AATF: variants seen among roughly 807,000 people sequenced by gnomAD.
AATF encodes apoptosis antagonizing transcription factor, also known as protein AATF.
AATF carries 48 observed loss-of-function variants against 63.7 expected under a neutral mutation model. The observed-to-expected ratio is 0.75, with a 90% CI of 0.60 to 0.96. The LOEUF (loss-of-function observed/expected upper bound fraction) is 0.96, where lower values mean the gene tolerates loss of function less well. AATF is among the 40% of genes least tolerant of loss of function. The pLI, the probability that AATF is intolerant of heterozygous loss-of-function variation, is 0.00. For missense variants in AATF, 639 were observed against 685.7 expected (o/e 0.93, Z 0.76); for synonymous variants, 258 against 247.7 (o/e 1.04, Z -0.39).
Position 37,035,208 on chromosome 17 carries a change from AAT to A in AATF, c.1619+3524_1619+3525del, listed in dbSNP as rs1406379175. Among the ~76,000 whole-genome samples the A allele has an allele frequency of 7.2e-5, 11 of 151,916 alleles. No homozygotes were observed. The South Asian group carries it at 2.3e-3, about 32-fold the overall frequency. On this transcript the variant is annotated intron_variant, in intron 11 of 11. Coordinates refer to ENST00000619387, the MANE Select transcript of AATF (RefSeq NM_012138.4). ...TAATCAAAGAAATGCAAATTAATAT[AAT>A]GAGATTTCTTTTTATTATTTTTTTT...
At chr17:36,997,589 G>T (rs952809823) in intron 8 of AATF, among the ~76,000 whole-genome samples, 3 of 152,190 alleles carry the variant, frequency 2.0e-5, no homozygotes, top group African/African-American at 7.2e-5. Context: ...TGCTGGTGTG[G>T]ATGTAGTGAA....
At chr17:36,982,228 G>GTTTTTTT (rs2071131235) in intron 4 of AATF, among the ~76,000 whole-genome samples, 5 of 113,562 alleles carry the variant, frequency 4.4e-5, no homozygotes, top group East Asian at 2.6e-4. Flanking sequence ...TTTGTTTTTT[G>GTTTTTTT]TTTTGTTTTT....
intron 4 of AATF, among the ~76,000 whole-genome samples, chr17:36,963,272 T>C (rs1484467956): frequency 1.3e-5 from 2 of 152,222 alleles, no homozygotes; most frequent in Non-Finnish European, 2.9e-5. Flanking sequence ...TGGGTACCTC[T>C]TTAGTGAGCA....
intron 4 of AATF, among the ~76,000 whole-genome samples, chr17:36,963,513 A>G (rs1408010585): frequency 6.6e-6 from 1 of 152,198 alleles, no homozygotes; most frequent in East Asian, 1.9e-4. Flanking sequence ...TTTTTGCTTT[A>G]TGCTTAGACT....
At chr17:36,997,541 C>T (rs2071263631) in intron 8 of AATF, among the ~76,000 whole-genome samples, 1 of 152,164 alleles carries the variant, frequency 6.6e-6, no homozygotes, top group South Asian at 2.1e-4. Context: ...CTTACTCCTG[C>T]AAGAATGGCC....
intron 8 of AATF, among the ~76,000 whole-genome samples, chr17:37,018,600 A>G (rs2071445724): frequency 2.6e-5 from 4 of 152,200 alleles, no homozygotes; most frequent in African/African-American, 9.7e-5. Context: ...ACCTTGCACC[A>G]TTATCCTGTT....
intron 11 of AATF, among the ~76,000 whole-genome samples, chr17:37,036,508 G>T (rs1285908020): frequency 6.6e-6 from 1 of 152,032 alleles, no homozygotes; most frequent in Non-Finnish European, 1.5e-5. Context: ...TTCTCCTGTT[G>T]TGTGGTCTGA....
intron 8 of AATF, 24 bp from the exon 9 acceptor site, chr17:37,018,981 T>A (rs933620553): frequency 2.5e-6 from 4 of 1,604,280 alleles, no homozygotes; most frequent in Non-Finnish European, 3.4e-6. Flanking sequence ...ATAAATAAAT[T>A]CGTTGCTTTC....
chr17:37,009,636 T>A (rs2071370736), intron 8 of AATF, among the ~76,000 whole-genome samples: 1 of 146,304 alleles, frequency 6.8e-6, no homozygotes. Flanking sequence ...GCTAACAAGG[T>A]GAAACCCCGT....
intron 4 of AATF, among the ~76,000 whole-genome samples, chr17:36,964,252 G>A (rs1286226989): frequency 6.7e-6 from 1 of 149,136 alleles, no homozygotes; most frequent in African/African-American, 2.5e-5. Context: ...GGGGGAAATT[G>A]ATGATGCAGG....
chr17:37,032,512 C>T lies in AATF; in HGVS notation c.1619+827C>T, dbSNP rs188435026. On this transcript the variant is annotated intron_variant, in intron 11 of 11. Transcript: ENST00000619387. Reference sequence around the variant, plus strand: ...TCAGTCTTTCTTGAAGGAGCCCTGGCTCTGTTTAGTGGATTGTGGTATTTA... The same window carrying T: ...TCAGTCTTTCTTGAAGGAGCCCTGGTTCTGTTTAGTGGATTGTGGTATTTA... 2.6e-5 allele frequency among the ~76,000 whole-genome samples: 4 copies of T among 152,284 alleles called. No homozygotes were observed. The East Asian group carries it at 7.7e-4, about 29-fold the overall frequency.
intron 8 of AATF, among the ~76,000 whole-genome samples, chr17:36,998,363 T>G (rs2071270407): frequency 6.6e-6 from 1 of 152,260 alleles, no homozygotes; most frequent in Non-Finnish European, 1.5e-5. Context: ...ACATGACTGT[T>G]GTAAGATTTA....
intron 4 of AATF, among the ~76,000 whole-genome samples, chr17:36,984,010 T>C (rs1239348470): frequency 6.6e-6 from 1 of 152,206 alleles, no homozygotes; most frequent in Non-Finnish European, 1.5e-5. Flanking sequence ...AACTCATGTA[T>C]TGGTGTCCTA....
intron 4 of AATF, among the ~76,000 whole-genome samples, chr17:36,958,945 G>A (rs1051943153): frequency 2.6e-5 from 4 of 151,880 alleles, no homozygotes; most frequent in African/African-American, 9.7e-5. Flanking sequence ...AGGAGTTCGA[G>A]GCCAACCTGA....
At chr17:37,050,488 G>GA (rs1356189646) in intron 11 of AATF, among the ~76,000 whole-genome samples, 1 of 152,162 alleles carries the variant, frequency 6.6e-6, no homozygotes, top group Non-Finnish European at 1.5e-5. Context: ...AGACAAACGT[G>GA]AAAAAAGGCA....
At position 36,950,196 on chromosome 17, in the gene AATF, T is replaced by C; in HGVS notation, c.92-18T>C. 1 of 1,608,698 alleles carries C rather than the reference T, an allele frequency of 6.2e-7. No homozygotes were observed. Among genetic ancestry groups the C allele is most frequent in the East Asian group, 2.2e-5 (1 of 44,724 alleles). On this transcript the variant is annotated intron_variant, in intron 1 of 11. Coordinates refer to ENST00000619387, the MANE Select transcript of AATF (RefSeq NM_012138.4). ...GCTAACCTGGAGATTCTGTTTACTT[T>C]TCCCTCTCCCCCGACAGCCACTGCT... is the stretch of plus-strand genomic sequence containing the variant.
intron 8 of AATF, among the ~76,000 whole-genome samples, chr17:36,997,119 C>A (rs2071260352): frequency 6.6e-6 from 1 of 152,096 alleles, no homozygotes; most frequent in Admixed American, 6.6e-5. Flanking sequence ...ACACAGGATC[C>A]CAGCAGTATT....
intron 8 of AATF, among the ~76,000 whole-genome samples, chr17:37,009,130 T>G (rs1310352265): frequency 6.6e-6 from 1 of 151,870 alleles, no homozygotes; most frequent in East Asian, 2.0e-4. Flanking sequence ...TTTGGTTTGG[T>G]TTTTGGGTTT....
chr17:36,984,149 G>C (rs912730990), intron 4 of AATF, among the ~76,000 whole-genome samples: 1 of 152,228 alleles, frequency 6.6e-6, no homozygotes, highest in Non-Finnish European at 1.5e-5. Flanking sequence ...GCTACAGTTT[G>C]TGTGAAATGT....
Sources: allele counts gnomAD v4.1 joint callset (sites outside exome capture counted in the v4.1 genomes callset), GRCh38; gene constraint gnomAD v4.1.1; transcripts MANE v1.5; gene names NCBI Gene and HGNC (gene_info 2026-07-23, HGNC 2026-07-21).